STXBP6: variants seen among roughly 807,000 people sequenced by gnomAD.
STXBP6 encodes syntaxin binding protein 6, also known as syntaxin-binding protein 6.
Under a neutral mutation model 26.9 loss-of-function variants are expected in STXBP6, and 21 were observed. The ratio of observed to expected loss-of-function variants is 0.78; its 90% CI spans 0.55 to 1.12. The LOEUF is 1.12. Ranked by LOEUF, STXBP6 falls within the 50% of genes most tolerant of loss-of-function variation. STXBP6 has a pLI of 0.00. For missense variants in STXBP6, 232 were observed against 257.9 expected (o/e 0.90, Z 0.69); for synonymous variants, 97 against 92.6 (o/e 1.05, Z -0.27).
chr14:24,892,057 A>C (rs1407569188), intron 2 of STXBP6, among the ~76,000 whole-genome samples: 1 of 152,212 alleles, frequency 6.6e-6, no homozygotes, highest in Non-Finnish European at 1.5e-5. Flanking sequence ...ATCTCAGTAT[A>C]TAACTATATA....
chr14:24,876,849 A>G (rs1388566625), intron 2 of STXBP6, among the ~76,000 whole-genome samples: 1 of 152,250 alleles, frequency 6.6e-6, no homozygotes, highest in Non-Finnish European at 1.5e-5. Flanking sequence ...ATGCAAATGG[A>G]AAGTGAATGA....
chr14:24,955,131 T>A (rs2073298013), intron 2 of STXBP6, among the ~76,000 whole-genome samples: 1 of 152,210 alleles, frequency 6.6e-6, no homozygotes, highest in African/African-American at 2.4e-5. Flanking sequence ...CCAAAAGTTC[T>A]TTGTTGCTCA....
chr14:24,844,012 C>T (rs1187001943), intron 4 of STXBP6, among the ~76,000 whole-genome samples: 1 of 152,190 alleles, frequency 6.6e-6, no homozygotes, highest in Non-Finnish European at 1.5e-5. Flanking sequence ...GCCCCACCCC[C>T]TCATCCTGAC....
intron 1 of STXBP6, among the ~76,000 whole-genome samples, chr14:24,991,507 C>G (rs997826714): frequency 6.6e-6 from 1 of 152,084 alleles, no homozygotes; most frequent in South Asian, 2.1e-4. Flanking sequence ...AAAATGACAG[C>G]CAATTCAGAG....
intron 2 of STXBP6, among the ~76,000 whole-genome samples, chr14:24,964,018 T>C (rs888767489): frequency 3.9e-5 from 5 of 129,040 alleles, no homozygotes; most frequent in African/African-American, 5.8e-5. Context: ...CCAGCCACTA[T>C]AATCCAGAGT....
At chr14:24,856,410 T>C (rs1021007621) in intron 3 of STXBP6, among the ~76,000 whole-genome samples, 1 of 152,108 alleles carries the variant, frequency 6.6e-6, no homozygotes, top group African/African-American at 2.4e-5. Flanking sequence ...GGGATTCCTT[T>C]AGGTTCTCAG....
chr14:24,839,308 G>A (rs920997217), intron 4 of STXBP6, among the ~76,000 whole-genome samples: 2 of 152,052 alleles, frequency 1.3e-5, no homozygotes, highest in African/African-American at 4.8e-5. Flanking sequence ...TTGCTCTGGG[G>A]TTGTAACTAG....
intron 2 of STXBP6, among the ~76,000 whole-genome samples, chr14:24,899,768 G>A (rs547227227): frequency 2.8e-4 from 30 of 105,506 alleles, no homozygotes; most frequent in African/African-American, 1.0e-3. Context: ...AAAACAGAGC[G>A]AGACTACATT....
chr14:24,980,088 G>C (rs2074147140), intron 1 of STXBP6, among the ~76,000 whole-genome samples: 1 of 152,066 alleles, frequency 6.6e-6, no homozygotes. Context: ...CCACAATATA[G>C]ACATACTAAA....
intron 2 of STXBP6, among the ~76,000 whole-genome samples, chr14:24,858,582 A>T (rs1023796257): frequency 6.6e-6 from 1 of 152,168 alleles, no homozygotes; most frequent in Non-Finnish European, 1.5e-5. Context: ...CCACAATCAG[A>T]TGAAATTTTA....
chr14:24,824,227 C>T (rs2068220315), intron 4 of STXBP6, among the ~76,000 whole-genome samples: 1 of 152,136 alleles, frequency 6.6e-6, no homozygotes, highest in Non-Finnish European at 1.5e-5. Flanking sequence ...TCCCTGACAG[C>T]CTGGTCTCCT....
At chr14:24,918,447 C>G (rs917995908) in intron 2 of STXBP6, among the ~76,000 whole-genome samples, 1 of 134,908 alleles carries the variant, frequency 7.4e-6, no homozygotes, top group South Asian at 2.4e-4. Flanking sequence ...AAAACCACAC[C>G]CCCACCACAC....
intron 1 of STXBP6, among the ~76,000 whole-genome samples, chr14:25,028,057 A>G (rs902387965): frequency 2.0e-5 from 3 of 152,252 alleles, no homozygotes; most frequent in Admixed American, 6.5e-5. Context: ...CATCTCTATG[A>G]CATAAAATTG....
intron 1 of STXBP6, among the ~76,000 whole-genome samples, chr14:25,004,697 G>A (rs747109221): frequency 1.3e-5 from 2 of 152,136 alleles, no homozygotes; most frequent in Admixed American, 6.5e-5. Flanking sequence ...TATGTATCCC[G>A]ATACCACCTA....
intron 2 of STXBP6, among the ~76,000 whole-genome samples, chr14:24,858,336 A>T (rs854329): frequency 6.6e-6 from 1 of 151,800 alleles, no homozygotes; most frequent in Non-Finnish European, 1.5e-5. Flanking sequence ...AAAGGTGGCC[A>T]CTGTCCTTAG....
intron 4 of STXBP6, among the ~76,000 whole-genome samples, chr14:24,838,381 T>C (rs2068684999): frequency 6.6e-6 from 1 of 152,088 alleles, no homozygotes; most frequent in Non-Finnish European, 1.5e-5. Flanking sequence ...GGAGGAAATG[T>C]GGACATTCAA....
intron 4 of STXBP6, among the ~76,000 whole-genome samples, chr14:24,821,985 CAG>C (rs963869210): frequency 6.6e-6 from 1 of 152,146 alleles, no homozygotes; most frequent in African/African-American, 2.4e-5. Flanking sequence ...TTGCACTCTA[CAG>C]ACTCTCTCTG....
intron 2 of STXBP6, among the ~76,000 whole-genome samples, chr14:24,949,252 T>C (rs1165865210): frequency 6.6e-6 from 1 of 152,234 alleles, no homozygotes; most frequent in Non-Finnish European, 1.5e-5. Flanking sequence ...AAGTGTAAAA[T>C]GCCTGAGCCA....
chr14:24,998,853 A>G (rs1350935544), intron 1 of STXBP6, among the ~76,000 whole-genome samples: 2 of 152,198 alleles, frequency 1.3e-5, no homozygotes, highest in African/African-American at 4.8e-5. Context: ...GTCTGTCTTC[A>G]ATATTCAAGG....
Sources: gnomAD v4.1 joint callset for allele counts (sites outside exome capture counted in the v4.1 genomes callset) on GRCh38, gnomAD v4.1.1 for gene constraint, MANE v1.5 for transcripts, NCBI Gene and HGNC (gene_info 2026-07-23, HGNC 2026-07-21) for gene names.